The following PTPRG variants were observed in gnomAD, a reference collection of about 807,000 sequenced individuals.
The protein encoded by PTPRG is protein tyrosine phosphatase receptor type G.
Under a neutral mutation model 165.3 loss-of-function variants are expected in PTPRG, and 102 were observed. That is an observed-to-expected ratio of 0.62 (90% CI 0.53 to 0.73). PTPRG has a LOEUF of 0.73. Ranked by LOEUF, PTPRG falls within the 30% of genes least tolerant of loss-of-function variation. The pLI is 0.00. For missense variants in PTPRG, 1,866 were observed against 1,861.4 expected (o/e 1.00, Z -0.05); for synonymous variants, 675 against 669.5 (o/e 1.01, Z -0.13).
intron 4 of PTPRG, among the ~76,000 whole-genome samples, chr3:62,011,039 C>T (rs974488503): frequency 3.0e-4 from 45 of 152,290 alleles, no homozygotes; most frequent in African/African-American, 1.1e-3. Flanking sequence ...CCGGTTGCCC[C>T]CTTCCCAGTT....
chr3:62,249,057 A>G (rs1701352261), intron 15 of PTPRG, among the ~76,000 whole-genome samples: 1 of 152,064 alleles, frequency 6.6e-6, no homozygotes, highest in Non-Finnish European at 1.5e-5. Flanking sequence ...TTCTTTATTG[A>G]CTTCATTGTG....
chr3:61,602,151 CT>C lies in PTPRG; in HGVS notation c.85+39790del, dbSNP rs11391531. Among the ~76,000 whole-genome samples, 1,019 of 147,974 alleles carry C rather than the reference CT, an allele frequency of 6.9e-3. 10 individuals carry two copies. Among genetic ancestry groups the C allele is most frequent in the African/African-American group, 0.023 (919 of 40,518 alleles). On this transcript the variant is annotated intron_variant, in intron 1 of 29. Transcript: ENST00000474889. The stretch of plus-strand genomic sequence containing the variant: ...TGGGCTTCTGTTCAGGCCTTCCTAG[CT>C]TTTTTTTTTTAAATTTTTAATTTCT...
At chr3:61,993,092 G>A (rs1223105280) in intron 3 of PTPRG, among the ~76,000 whole-genome samples, 1 of 151,466 alleles carries the variant, frequency 6.6e-6, no homozygotes, top group Non-Finnish European at 1.5e-5. Flanking sequence ...ATTAGTGCAG[G>A]CTAAATTAGG....
At chr3:61,603,372 T>C (rs1700916998) in intron 1 of PTPRG, among the ~76,000 whole-genome samples, 2 of 152,190 alleles carry the variant, frequency 1.3e-5, no homozygotes, top group African/African-American at 4.8e-5. Context: ...TTTAAAATTG[T>C]GTGGCATCCC....
At chr3:61,841,627 T>C (rs188689136) in intron 2 of PTPRG, among the ~76,000 whole-genome samples, 18 of 152,222 alleles carry the variant, frequency 1.2e-4, no homozygotes, top group Admixed American at 7.2e-4. Context: ...GTTTTCATGC[T>C]TAGGAAATGG....
intron 1 of PTPRG, among the ~76,000 whole-genome samples, chr3:61,701,892 A>G (rs901573577): frequency 6.6e-6 from 1 of 152,054 alleles, no homozygotes; most frequent in African/African-American, 2.4e-5. Context: ...CTGTCTAAAA[A>G]AGAGAGAGAG....
At chr3:61,563,081 C>T (rs1453640943) in intron 1 of PTPRG, among the ~76,000 whole-genome samples, 2 of 151,598 alleles carry the variant, frequency 1.3e-5, no homozygotes, top group Non-Finnish European at 2.9e-5. Flanking sequence ...GCCCGTGGCC[C>T]TTTCCCTCCG....
intron 2 of PTPRG, among the ~76,000 whole-genome samples, chr3:61,812,278 C>CCATTCATTCATT (rs71782952): frequency 6.9e-6 from 1 of 144,642 alleles, no homozygotes. Flanking sequence ...GTGGTCCTGA[C>CCATTCATTCATT]CATTCATTCA....
In PTPRG at chr3:62,157,068, G is replaced by C. The variant is rs1205395178; in HGVS notation, c.684G>C (p.Glu228Asp). 1.9e-6 allele frequency: 3 copies of C among 1,600,854 alleles called. No homozygotes were observed. In the South Asian group the frequency reaches 3.3e-5, roughly 18 times the overall value. The change falls in exon 7 of 30, where the codon GAG becomes GAC. Residue 228 changes from glutamate (E) to aspartate (D), a missense_variant and splice_region_variant. Physicochemically the swap from Glu to Asp is conservative, Grantham distance 45 (BLOSUM62 2). This residue lies in a region of PTPRG where 408 missense variants were observed against 376.2 expected (regional missense o/e 1.08). Transcript: ENST00000474889. Reference protein sequence around the residue: ...IHGLKGVVHHEKETFLDPFVL... With the variant: ...IHGLKGVVHHDKETFLDPFVL... ...TCTTTTCCCTTTTTCCCCAAACAGA[G>C]AAGGAGACCTTTCTGGATCCTTTCG...
intron 1 of PTPRG, among the ~76,000 whole-genome samples, chr3:61,709,102 C>T (rs1167253995): frequency 6.6e-6 from 1 of 152,170 alleles, no homozygotes; most frequent in Non-Finnish European, 1.5e-5. Flanking sequence ...TTTCATCCTT[C>T]CCACAGTCCC....
At chr3:61,911,859 A>C (rs943807975) in intron 2 of PTPRG, among the ~76,000 whole-genome samples, 1 of 152,194 alleles carries the variant, frequency 6.6e-6, no homozygotes, top group Non-Finnish European at 1.5e-5. Context: ...AGCTCTACCA[A>C]AAATTGAATT....
chr3:62,263,319 G>A (rs1168776165), intron 17 of PTPRG: 1 of 170,476 alleles, frequency 5.9e-6, no homozygotes, highest in Non-Finnish European at 1.2e-5. Context: ...CTACATAATT[G>A]GCTTGTACCT....
chr3:61,902,881 T>A (rs577009664), intron 2 of PTPRG, among the ~76,000 whole-genome samples: 1 of 152,288 alleles, frequency 6.6e-6, no homozygotes, highest in African/African-American at 2.4e-5. Context: ...ATATCAGGGA[T>A]ATAATGTGGA....
intron 28 of PTPRG, among the ~76,000 whole-genome samples, chr3:62,288,724 G>C (rs1702765624): frequency 6.7e-6 from 1 of 148,214 alleles, no homozygotes; most frequent in African/African-American, 2.4e-5. Context: ...GTGTGATAGT[G>C]TGTTTTCTTT....
chr3:61,602,482 C>T (rs1006092094), intron 1 of PTPRG, among the ~76,000 whole-genome samples: 1 of 152,152 alleles, frequency 6.6e-6, no homozygotes, highest in African/African-American at 2.4e-5. Flanking sequence ...GTCCATTGTT[C>T]ATCAAGGAGA....
At chr3:62,042,912 G>A (rs753005027) in intron 4 of PTPRG, among the ~76,000 whole-genome samples, 1 of 152,144 alleles carries the variant, frequency 6.6e-6, no homozygotes, top group Non-Finnish European at 1.5e-5. Context: ...AGGAATTAGG[G>A]TTGTGACCTT....
At chr3:61,704,615 T>C (rs775495373) in intron 1 of PTPRG, among the ~76,000 whole-genome samples, 5 of 150,814 alleles carry the variant, frequency 3.3e-5, no homozygotes, top group Admixed American at 6.6e-5. Flanking sequence ...CCACTAGTCT[T>C]ATGTTAAATT....
At chr3:61,977,644 T>C (rs1032092280) in intron 2 of PTPRG, among the ~76,000 whole-genome samples, 1 of 152,174 alleles carries the variant, frequency 6.6e-6, no homozygotes, top group Non-Finnish European at 1.5e-5. Context: ...CATTTGAAAT[T>C]TATATGGTTT....
At chr3:61,960,336 G>T (rs2040123128) in intron 2 of PTPRG, among the ~76,000 whole-genome samples, 1 of 151,840 alleles carries the variant, frequency 6.6e-6, no homozygotes, top group South Asian at 2.1e-4. Context: ...TTCTTGAAAT[G>T]ACTGAAACGG....
Sources: gnomAD v4.1 joint callset for allele counts (sites outside exome capture counted in the v4.1 genomes callset) on GRCh38, gnomAD v4.1.1 for gene constraint, gnomAD v4.1.1 regional missense constraint, MANE v1.5 for transcripts, NCBI Gene and HGNC (gene_info 2026-07-23, HGNC 2026-07-21) for gene names.